Variants in KBTBD11 observed in about 807,000 individuals in gnomAD.
KBTBD11 encodes the protein kelch repeat and BTB domain containing 11.
For synonymous variants in KBTBD11, 747 were observed against 499.0 expected (o/e 1.50, Z -6.63); for missense variants, 1,390 against 1,001.8 (o/e 1.39, Z -5.23).
intron 1 of KBTBD11, among the ~76,000 whole-genome samples, chr8:1,982,745 CT>C (rs869039541): frequency 2.7e-3 from 376 of 141,458 alleles, no homozygotes; most frequent in Middle Eastern, 3.6e-3. Context: ...TTGCTGAGCA[CT>C]TTTTTTTTTT....
chr8:1,993,382 C>A (rs1365442453), intron 1 of KBTBD11, among the ~76,000 whole-genome samples: 1 of 132,660 alleles, frequency 7.5e-6, no homozygotes, highest in African/African-American at 2.7e-5. Flanking sequence ...TCCGTCCGTC[C>A]GTCCGTCCGT....
At chr8:1,993,922 TACACACACACAC>T (rs57317862) in intron 1 of KBTBD11, among the ~76,000 whole-genome samples, 15 of 139,692 alleles carry the variant, frequency 1.1e-4, no homozygotes, top group Non-Finnish European at 1.8e-4. Context: ...CAATACCCCC[TACACACACACAC>T]ACACACACAC....
At chr8:1,986,242 G>A (rs1816703478) in intron 1 of KBTBD11, among the ~76,000 whole-genome samples, 1 of 152,192 alleles carries the variant, frequency 6.6e-6, no homozygotes. Context: ...CAAAGTCTGA[G>A]TGGCAAGTAC....
In KBTBD11 at chr8:2,004,751, C is replaced by T. The variant is rs1817520687; in HGVS notation, c.*1687C>T. ...GGTTAATCATCTTGGGAAAGAAAAA[C>T]AGACTTCATATCGCCTGACTTGATT... On this transcript the variant is annotated 3_prime_UTR_variant, in exon 2 of 2. Coordinates refer to ENST00000320248, the MANE Select transcript of KBTBD11 (RefSeq NM_014867.3). The T allele has an allele frequency of 6.0e-6, 1 of 167,056 alleles. No homozygotes were observed. The highest frequency in any genetic ancestry group is 2.4e-5 in the African/African-American group (1 of 41,436). 10.3% of individuals were successfully genotyped at this position (167,056 alleles called of 1,614,324 possible).
chr8:1,996,627 C>T (rs891556762), intron 1 of KBTBD11, among the ~76,000 whole-genome samples: 29 of 151,872 alleles, frequency 1.9e-4, no homozygotes, highest in African/African-American at 4.8e-4. Flanking sequence ...AGTCAATGAA[C>T]GCATTCTTTA....
In KBTBD11 at chr8:2,003,050, C is replaced by G; in HGVS notation, c.1858C>G (p.Gln620Glu). 1 of 1,266,434 alleles carries G rather than the reference C, an allele frequency of 7.9e-7. No individual in the cohort carries two copies. Among genetic ancestry groups the G allele is most frequent in the Non-Finnish European group, 1.0e-6 (1 of 1,003,614 alleles). The allele number at this position is 1,266,434 out of a possible 1,614,324, so 78.4% of individuals were successfully genotyped here. Residue 620 changes from glutamine to glutamate, a missense_variant, in exon 2 of 2, where the codon CAG becomes GAG. Gln to Glu is a conservative substitution (Grantham distance 29). Transcript: ENST00000320248. ...SLPEKPPRGE[Q>E]GAP ...GCCTGAGAAGCCGCCCCGAGGGGAG[C>G]AGGGCGCCCCGTAGGCCGGCGGGGT...
rs2129316248 is a variant in KBTBD11, at chr8:2,001,359, C to T, written c.167C>T (p.Ser56Leu). 2.0e-6 allele frequency: 3 copies of T among 1,485,192 alleles called. No homozygotes were observed. The highest frequency in any genetic ancestry group is 2.5e-5 in the South Asian group (2 of 78,558). 92.0% of individuals were successfully genotyped at this position (1,485,192 alleles called of 1,614,324 possible). A position where few individuals can be genotyped will look rare whatever the true frequency, so the allele number is the denominator to read the frequency against. ...GEESPPQSLA[S>L]AAEGAATSPP... Reference sequence around the variant, plus strand: ...GAGTCCCCGCCGCAGTCCCTCGCCTCAGCGGCGGAAGGCGCGGCCACCTCC... The same window carrying T: ...GAGTCCCCGCCGCAGTCCCTCGCCTTAGCGGCGGAAGGCGCGGCCACCTCC... Residue 56 changes from serine to leucine, a missense_variant, in exon 2 of 2, where the codon TCA (serine) becomes TTA (leucine). By Grantham distance (145) the Ser-to-Leu change is moderately radical. Transcript: ENST00000320248.
intron 1 of KBTBD11, chr8:1,974,534 C>T: frequency 1.0e-6 from 1 of 985,232 alleles, no homozygotes; most frequent in Non-Finnish European, 1.2e-6. Context: ...GCCCTTGGTC[C>T]TCCGCCGCTG....
intron 1 of KBTBD11, among the ~76,000 whole-genome samples, chr8:1,978,071 T>C (rs1816410842): frequency 6.6e-6 from 1 of 152,204 alleles, no homozygotes. Flanking sequence ...ACGTGTGCCA[T>C]GGTGGTTTGT....
intron 1 of KBTBD11, among the ~76,000 whole-genome samples, chr8:1,992,254 T>TGTTTGAA (rs1816946574): frequency 6.6e-6 from 1 of 152,134 alleles, no homozygotes; most frequent in Non-Finnish European, 1.5e-5. Flanking sequence ...CAGCGCTGCC[T>TGTTTGAA]GCCTCCCAGG....
At chr8:1,989,544 T>G (rs1224434992) in intron 1 of KBTBD11, among the ~76,000 whole-genome samples, 1 of 152,182 alleles carries the variant, frequency 6.6e-6, no homozygotes. Flanking sequence ...ATGGAGTCAC[T>G]AAGCTCCATA....
chr8:1,984,146 G>A (rs771470120), intron 1 of KBTBD11, among the ~76,000 whole-genome samples: 1 of 151,648 alleles, frequency 6.6e-6, no homozygotes, highest in Non-Finnish European at 1.5e-5. Context: ...TAAAAAAAGA[G>A]TCACACGTGG....
intron 1 of KBTBD11, among the ~76,000 whole-genome samples, chr8:1,993,336 C>T (rs1816987340): frequency 6.6e-6 from 1 of 151,766 alleles, no homozygotes; most frequent in Non-Finnish European, 1.5e-5. Flanking sequence ...CATCCAGTCG[C>T]CCATCTTTCT....
At chr8:1,988,613 C>A (rs1290398302) in intron 1 of KBTBD11, among the ~76,000 whole-genome samples, 1 of 152,106 alleles carries the variant, frequency 6.6e-6, no homozygotes, top group African/African-American at 2.4e-5. Flanking sequence ...TTTGTAGATT[C>A]TGGATATTAG....
rs1194049182 is a variant in KBTBD11 at position 2,006,393 on chromosome 8, G to A, written c.*3329G>A. ...CATTTTTGTATTCTTGTTAATTTTA[G>A]ATGCTTTCCTAGCTTACAAAAAGTT... On this transcript the variant is annotated 3_prime_UTR_variant, in exon 2 of 2. Coordinates refer to ENST00000320248, the MANE Select transcript of KBTBD11 (RefSeq NM_014867.3). The A allele has an allele frequency of 6.0e-6, 1 of 166,986 alleles. No individual in the cohort carries two copies. Among genetic ancestry groups the A allele is most frequent in the Non-Finnish European group, 1.5e-5 (1 of 68,132 alleles). 10.3% of individuals were successfully genotyped at this position (166,986 alleles called of 1,614,324 possible).
chr8:1,974,201 G>C (rs1816235227), intron 1 of KBTBD11: 9 of 799,656 alleles, frequency 1.1e-5, no homozygotes, highest in Non-Finnish European at 1.4e-5. Flanking sequence ...GCGGTGGGTG[G>C]TCTCCGCTCC....
rs972223368 is a variant in KBTBD11 at position 2,002,959 on chromosome 8, C to T, written c.1767C>T (p.Gly589=). ...CCGGCGGCGACGCAGGCCAGGGCGGCGGCTTCGAGGCGCTGGGCGCCCCCT... is the reference window on the plus strand; with the variant it reads ...CCGGCGGCGACGCAGGCCAGGGCGGTGGCTTCGAGGCGCTGGGCGCCCCCT... The part of the protein sequence containing the change: ...GEAGGDAGQG[G]GFEALGAPLD... The change falls in exon 2 of 2, where the codon GGC becomes GGT. Residue 589 remains glycine, a synonymous_variant. Transcript: ENST00000320248. The surrounding 1 kb of genome is among the most constrained non-coding windows in gnomAD (Gnocchi z 4.1). 6 of 1,316,260 alleles carry T rather than the reference C, an allele frequency of 4.6e-6. No homozygotes were observed. The African/African-American group carries it at 4.6e-5, about 10-fold the overall frequency. 81.5% of individuals were successfully genotyped at this position (1,316,260 alleles called of 1,614,324 possible).
At chr8:1,990,432 G>T (rs1261147121) in intron 1 of KBTBD11, among the ~76,000 whole-genome samples, 4 of 129,156 alleles carry the variant, frequency 3.1e-5, no homozygotes, top group African/African-American at 8.8e-5. Context: ...GCCCTGTCCG[G>T]GTAGATGCTG....
chr8:2,000,988 G>C lies in KBTBD11; in HGVS notation c.-205G>C. On this transcript the variant is annotated 5_prime_UTR_variant, in exon 2 of 2. Transcript: ENST00000320248. ...ACACACCCCTCCTCGCTGGAGAGGA[G>C]AGGGCAAAGGCGAGGCGGGGGAGCA... The C allele has an allele frequency of 1.7e-6, 1 of 589,710 alleles. No homozygotes were observed. Among genetic ancestry groups the C allele is most frequent in the Non-Finnish European group, 2.5e-6 (1 of 401,684 alleles). The allele number at this position is 589,710 out of a possible 1,614,324, so 36.5% of individuals were successfully genotyped here.
Sources: allele counts gnomAD v4.1 joint callset (sites outside exome capture counted in the v4.1 genomes callset), GRCh38; gene constraint gnomAD v4.1.1; non-coding constraint Gnocchi (gnomAD v3.1); transcripts MANE v1.5; gene names NCBI Gene and HGNC (gene_info 2026-07-23, HGNC 2026-07-21).